Variants in RALYL observed in about 807,000 individuals in gnomAD.
The protein encoded by RALYL is RALY RNA binding protein like.
Under a neutral mutation model 35.1 loss-of-function variants are expected in RALYL, and 29 were observed. The ratio of observed to expected loss-of-function variants is 0.83; its 90% confidence interval spans 0.61 to 1.13. The LOEUF is 1.13. RALYL is among the 50% of genes most tolerant of loss of function. The pLI, the probability that RALYL is intolerant of heterozygous loss-of-function variation, is 0.00. For synonymous variants in RALYL, 120 were observed against 127.6 expected (o/e 0.94, Z 0.40); for missense variants, 359 against 360.4 (o/e 1.00, Z 0.03).
chr8:84,673,502 G>A (rs1041030600), intron 2 of RALYL, among the ~76,000 whole-genome samples: 17 of 151,780 alleles, frequency 1.1e-4, no homozygotes, highest in South Asian at 2.1e-4. Flanking sequence ...TTATAGGTTT[G>A]GGTTTTACAT....
intron 1 of RALYL, among the ~76,000 whole-genome samples, chr8:84,393,704 C>T (rs182910076): frequency 1.4e-3 from 209 of 152,140 alleles, no homozygotes; most frequent in African/African-American, 4.5e-3. Flanking sequence ...AGAGTGGTGG[C>T]TTTATAATCA....
chr8:84,255,360 A>G (rs969253709), intron 1 of RALYL, among the ~76,000 whole-genome samples: 1 of 152,170 alleles, frequency 6.6e-6, no homozygotes, highest in Non-Finnish European at 1.5e-5. Context: ...GGTGAAGATC[A>G]TGGAAAAATT....
At chr8:84,233,047 A>C (rs1231681092) in intron 1 of RALYL, among the ~76,000 whole-genome samples, 2 of 152,146 alleles carry the variant, frequency 1.3e-5, no homozygotes, top group East Asian at 3.9e-4. Context: ...GTGGTGCAAA[A>C]TCATAGTTCA....
At position 84,887,729 on chromosome 8, in the gene RALYL, A is replaced by T; in HGVS notation, c.811A>T (p.Thr271Ser). 6.2e-7 allele frequency: 1 copy of T among 1,613,930 alleles called. No homozygotes were observed. The highest frequency in any genetic ancestry group is 8.5e-7 in the Non-Finnish European group (1 of 1,179,824). Residue 271 changes from threonine (T) to serine (S), a missense_variant, in exon 8 of 9, where the codon ACA (threonine) becomes TCA (serine). Physicochemically the swap from Thr to Ser is moderately conservative, Grantham distance 58. Coordinates refer to ENST00000521268, the MANE Select transcript of RALYL (RefSeq NM_173848.7). ...GGPDADGEEMTDGIEEDFDED... is the reference protein window; with the variant it reads ...GGPDADGEEMSDGIEEDFDED... ...GCCAGATGCCGATGGAGAAGAGATG[A>T]CAGATGGGATAGAGGAGGACTTCGA...
At chr8:84,241,474 T>C (rs1827856647) in intron 1 of RALYL, among the ~76,000 whole-genome samples, 1 of 152,102 alleles carries the variant, frequency 6.6e-6, no homozygotes, top group Admixed American at 6.6e-5. Context: ...GATCAGTGAA[T>C]TGGACTAAAA....
At chr8:84,721,867 A>G (rs2132649098) in intron 2 of RALYL, among the ~76,000 whole-genome samples, 1 of 152,200 alleles carries the variant, frequency 6.6e-6, no homozygotes, top group South Asian at 2.1e-4. Context: ...ACACTTTCTT[A>G]CTCTGTTCTT....
chr8:84,903,658 G>A (rs1017993588), intron 8 of RALYL, among the ~76,000 whole-genome samples: 9 of 152,106 alleles, frequency 5.9e-5, no homozygotes, highest in South Asian at 2.1e-4. Flanking sequence ...AGCCTTGCAC[G>A]TAGTTTGCCC....
At chr8:84,665,749 CAACTCCTGGAGA>C (rs1473750963) in intron 2 of RALYL, 3 of 151,322 alleles carry the variant, frequency 2.0e-5, no homozygotes, top group Non-Finnish European at 4.4e-5. Context: ...TTTCAAAATC[CAACTCCTGGAGA>C]AATACGGAAC....
intron 1 of RALYL, among the ~76,000 whole-genome samples, chr8:84,486,317 G>A (rs1220705319): frequency 6.7e-6 from 1 of 149,794 alleles, no homozygotes; most frequent in African/African-American, 2.5e-5. Flanking sequence ...TCTTAGAAAA[G>A]CAAATAGTTA....
At chr8:84,896,837 G>T (rs1206381446) in intron 8 of RALYL, among the ~76,000 whole-genome samples, 1 of 152,164 alleles carries the variant, frequency 6.6e-6, no homozygotes, top group Admixed American at 6.5e-5. Flanking sequence ...CAACCTAGTG[G>T]TCTGATGCAA....
chr8:84,564,297 A>G (rs1449079987), intron 2 of RALYL, among the ~76,000 whole-genome samples: 1 of 151,656 alleles, frequency 6.6e-6, no homozygotes, highest in Non-Finnish European at 1.5e-5. Context: ...GCCCAATCTC[A>G]TACTCTGTAG....
At chr8:84,815,928 G>GGTT (rs1827161888) in intron 4 of RALYL, among the ~76,000 whole-genome samples, 1 of 151,318 alleles carries the variant, frequency 6.6e-6, no homozygotes. Context: ...TAGCTACTCG[G>GGTT]GAGGTTGAGG....
chr8:84,798,461 A>G (rs1822451023), intron 3 of RALYL, among the ~76,000 whole-genome samples: 1 of 152,218 alleles, frequency 6.6e-6, no homozygotes, highest in South Asian at 2.1e-4. Context: ...AGATAGGTCT[A>G]CTATTATTTC....
intron 1 of RALYL, among the ~76,000 whole-genome samples, chr8:84,323,954 T>C (rs532472250): frequency 4.6e-5 from 7 of 152,222 alleles, no homozygotes; most frequent in Admixed American, 2.0e-4. Context: ...ATAATTATCC[T>C]TTAAATGTTT....
intron 1 of RALYL, among the ~76,000 whole-genome samples, chr8:84,378,285 G>A (rs1229541644): frequency 2.0e-5 from 3 of 151,820 alleles, no homozygotes; most frequent in African/African-American, 7.3e-5. Flanking sequence ...TCACAGTATC[G>A]AAGTAAGATT....
chr8:84,851,866 C>T (rs1431586095), intron 5 of RALYL, among the ~76,000 whole-genome samples: 1 of 152,204 alleles, frequency 6.6e-6, no homozygotes, highest in Non-Finnish European at 1.5e-5. Flanking sequence ...TACTTCACAG[C>T]ACCTCTCCTA....
At chr8:84,354,195 C>G (rs140863769) in intron 1 of RALYL, among the ~76,000 whole-genome samples, 13 of 150,068 alleles carry the variant, frequency 8.7e-5, no homozygotes, top group Non-Finnish European at 1.9e-4. Flanking sequence ...GTGAAAGCCA[C>G]CCTGATTAAA....
intron 1 of RALYL, among the ~76,000 whole-genome samples, chr8:84,489,019 A>T (rs1195643261): frequency 2.0e-5 from 3 of 152,076 alleles, no homozygotes; most frequent in Non-Finnish European, 4.4e-5. Flanking sequence ...TTGCTTAATG[A>T]TATAGTCACA....
intron 4 of RALYL, among the ~76,000 whole-genome samples, chr8:84,814,865 G>C (rs538841638): frequency 6.4e-4 from 97 of 152,268 alleles, no homozygotes; most frequent in Non-Finnish European, 1.1e-3. Context: ...AATACACCTA[G>C]AGTGAGGCAT....
Sources: allele counts gnomAD v4.1 joint callset (sites outside exome capture counted in the v4.1 genomes callset), GRCh38; gene constraint gnomAD v4.1.1; transcripts MANE v1.5; gene names NCBI Gene and HGNC (gene_info 2026-07-23, HGNC 2026-07-21).